Variants in OSCAR observed in about 807,000 individuals in gnomAD.
The protein encoded by OSCAR is osteoclast associated Ig-like receptor.
In OSCAR, 25 loss-of-function variants were observed where a neutral mutation model predicts 27.3. The observed-to-expected ratio is 0.92, with a 90% CI of 0.67 to 1.28. OSCAR has a LOEUF of 1.28. OSCAR is among the 50% of genes most tolerant of loss of function. The pLI is 0.00. For missense variants in OSCAR, 354 were observed against 355.1 expected, an observed-to-expected ratio of 1.00 and a Z score of 0.03; for synonymous variants, 158 against 165.7, an observed-to-expected ratio of 0.95 and a Z score of 0.36.
intron 2 of OSCAR, 44 bp downstream of exon 2, chr19:54,099,704 G>A: frequency 1.2e-6 from 2 of 1,613,832 alleles, no homozygotes; most frequent in Non-Finnish European, 8.5e-7. Flanking sequence ...AATTGGAAAA[G>A]GGGTGTCAGC....
chr19:54,100,758 A>G lies in OSCAR; in HGVS notation c.35T>C (p.Leu12Pro), dbSNP rs1404240050. The G allele has an allele frequency of 1.3e-6, 2 of 1,552,110 alleles. No homozygotes were observed. The highest frequency in any genetic ancestry group is 1.4e-5 in the African/African-American group (1 of 73,184). ...GGGAGAAGAAAGGGGTGACTCACAG[A>G]GGGTCAGCAGCTGGAGGATCAGCAC... ...ALVLILQLLT[L>P]WPLCHTDITP... is the part of the protein sequence containing the mutation. Residue 12 changes from leucine (L) to proline (P), a missense_variant and splice_region_variant, in exon 1 of 5, where the codon CTC becomes CCC. Physicochemically the swap from Leu to Pro is moderately conservative, Grantham distance 98. Transcript: ENST00000358375.
In OSCAR at chr19:54,099,526, G is replaced by C. The variant is rs587742080; in HGVS notation, c.70+222C>G. ...CATATGGTCACATATAAATGAATAC[G>C]ATGGTGAAACTGAGGTCCTAGCTTA... On this transcript the variant is annotated intron_variant, in intron 2 of 4. Coordinates refer to ENST00000358375, the MANE Select transcript of OSCAR (RefSeq NM_133169.6). 2.8e-6 allele frequency: 4 copies of C among 1,406,704 alleles called. No individual in the cohort carries two copies. In the African/African-American group the frequency reaches 4.3e-5, roughly 15 times the overall value. The allele number at this position is 1,406,704 out of a possible 1,614,324, so 87.1% of individuals were successfully genotyped here.
chr19:54,099,751 A>G lies in OSCAR; in HGVS notation c.67T>C (p.Ser23Pro), dbSNP rs757711750. 5 of 1,613,752 alleles carry G rather than the reference A, an allele frequency of 3.1e-6. No individual in the cohort carries two copies. Among genetic ancestry groups the G allele is most frequent in the South Asian group, 1.1e-5 (1 of 91,070 alleles). Reference protein sequence around the residue: ...WPLCHTDITPSVPPASYHPKP... With the variant: ...WPLCHTDITPPVPPASYHPKP... ...AGTGGATGGGGTGGCTACTCACCAGACGGAGTGATGTCTGTGTGACACAGA... is the reference window on the plus strand; with the variant it reads ...AGTGGATGGGGTGGCTACTCACCAGGCGGAGTGATGTCTGTGTGACACAGA... The change falls in exon 2 of 5, where the codon TCT becomes CCT. Residue 23 changes from serine (S) to proline (P), a missense_variant. Transcript: ENST00000358375.
At chr19:54,097,415 G>A (rs1218557858) in intron 2 of OSCAR, among the ~76,000 whole-genome samples, 1 of 151,846 alleles carries the variant, frequency 6.6e-6, no homozygotes, top group Non-Finnish European at 1.5e-5. Context: ...AAAAGGTCAG[G>A]TCCCAGAACT....
At chr19:54,095,602 G>T (rs143751107) in intron 4 of OSCAR, 5 of 1,130,750 alleles carry the variant, frequency 4.4e-6, no homozygotes, top group Non-Finnish European at 6.1e-6. Flanking sequence ...GGGGCTGGGG[G>T]CCTGGAGTCC....
Position 54,096,879 on chromosome 19 carries a change from AG to A in OSCAR, c.355del (p.Leu119TrpfsTer5). 2 of 1,613,592 alleles carry A rather than the reference AG, an allele frequency of 1.2e-6. No homozygotes were observed. The highest frequency in any genetic ancestry group is 1.7e-6 in the Non-Finnish European group (2 of 1,179,748). The stretch of plus-strand genomic sequence containing the variant: ...GACCTCACCTGTCACCAGCAGCTCC[AG>A]GACATCGCTGGGCTGGGACCAGACA... ...PGVWSQPSDVLELLVTEELPR... is the reference protein window; with the variant it reads ...PGVWSQPSDVXELLVTEELPR... On this transcript the variant is annotated frameshift_variant, in exon 3 of 5. Transcript: ENST00000358375. LOFTEE classifies it high-confidence loss of function.
At chr19:54,100,096 A>G (rs1273776623) in intron 1 of OSCAR, among the ~76,000 whole-genome samples, 2 of 152,190 alleles carry the variant, frequency 1.3e-5, no homozygotes, top group Non-Finnish European at 2.9e-5. Context: ...CGGCTCCCAC[A>G]GGCATGAGCC....
At position 54,096,966 on chromosome 19, in the gene OSCAR, ACCT is replaced by A. The variant is rs761319154; in HGVS notation, c.266_268del (p.Glu89del). The A allele has an allele frequency of 6.2e-7, 1 of 1,614,086 alleles. No homozygotes were observed. The highest frequency in any genetic ancestry group is 1.7e-5 in the Admixed American group (1 of 60,000). ...GTAACTTCCCCCTTGGGCTGGAGTC[ACCT>A]CCTCCAGAAAGAATTCTGCCAGCTC... is the stretch of plus-strand genomic sequence containing the variant. On this transcript the variant is annotated inframe_deletion, in exon 3 of 5. Coordinates refer to ENST00000358375, the MANE Select transcript of OSCAR (RefSeq NM_133169.6).
At chr19:54,099,667 G>C in intron 2 of OSCAR, 81 bp downstream of exon 2, 1 of 1,613,774 alleles carries the variant, frequency 6.2e-7, no homozygotes, top group Non-Finnish European at 8.5e-7. Flanking sequence ...TCTGGGATGG[G>C]ATTGGGCACC....
In OSCAR at chr19:54,096,304, G is replaced by A. The variant is rs181537123; in HGVS notation, c.374-151C>T. On this transcript the variant is annotated intron_variant, in intron 3 of 4. Coordinates refer to ENST00000358375, the MANE Select transcript of OSCAR (RefSeq NM_133169.6). ...TCTCTGCCTGTCTCTCTCTCTGTCTGCCTCTCTCTCTGCCTCCCTCTCTCT... is the reference window on the plus strand; with the variant it reads ...TCTCTGCCTGTCTCTCTCTCTGTCTACCTCTCTCTCTGCCTCCCTCTCTCT... 282 of 725,976 alleles carry A rather than the reference G, an allele frequency of 3.9e-4. 3 individuals carry two copies. The East Asian group carries it at 8.9e-3, about 23-fold the overall frequency. The allele number at this position is 725,976 out of a possible 1,614,324, so 45.0% of individuals were successfully genotyped here. A position where few individuals can be genotyped will look rare whatever the true frequency, so the allele number is the denominator to read the frequency against.
At chr19:54,095,736 A>C in intron 4 of OSCAR, 136 bp downstream of exon 4, 1 of 1,367,388 alleles carries the variant, frequency 7.3e-7, no homozygotes, top group South Asian at 1.4e-5. Context: ...GGTCTGAGGG[A>C]GGAGGGGCTG....
Position 54,094,997 on chromosome 19 carries a change from T to C in OSCAR, c.*224A>G. On this transcript the variant is annotated 3_prime_UTR_variant, in exon 5 of 5. Transcript: ENST00000358375. ...GCAGTGCTGGGATTCGAACCCTCTG[T>C]CTTCTGGCTTGGAAGTCTTAACCAC... 1 of 629,168 alleles carries C rather than the reference T, an allele frequency of 1.6e-6. No individual in the cohort carries two copies. The highest frequency in any genetic ancestry group is 3.3e-5 in the East Asian group (1 of 30,294). The allele number at this position is 629,168 out of a possible 1,614,324, so 39.0% of individuals were successfully genotyped here. A position where few individuals can be genotyped will look rare whatever the true frequency, so the allele number is the denominator to read the frequency against.
Position 54,095,921 on chromosome 19 carries a change from C to T in OSCAR, c.606G>A (p.Ala202=). The change falls in exon 4 of 5, where the codon GCG becomes GCA. Residue 202 remains alanine (A), a synonymous_variant. Transcript: ENST00000358375. ...CGCTGCGCTGCGACAGCACGTAGGG[C>T]GCGGAGGGCGTGTGATAGTAGCAGC... ...TYSCYYHTPS[A]PYVLSQRSEV... is the part of the protein sequence containing the mutation. The T allele has an allele frequency of 1.3e-6, 2 of 1,580,658 alleles. No homozygotes were observed. The highest frequency in any genetic ancestry group is 1.2e-5 in the South Asian group (1 of 86,464).
chr19:54,095,985 T>C lies in OSCAR; in HGVS notation c.542A>G (p.Asp181Gly). ...GGCGCGGGCGCCCAGCAGCGTGAAG[T>C]CGGCCCAGGGCTGCGCGGAGTGGCG... ...QYRHSAQPWA[D>G]FTLLGARAPG... The change falls in exon 4 of 5, where the codon GAC (aspartate) becomes GGC (glycine). Residue 181 changes from aspartate (D) to glycine (G), a missense_variant. Transcript: ENST00000358375. 3 of 1,589,418 alleles carry C rather than the reference T, an allele frequency of 1.9e-6. No homozygotes were observed. The highest frequency in any genetic ancestry group is 2.6e-6 in the Non-Finnish European group (3 of 1,169,204).
intron 1 of OSCAR, among the ~76,000 whole-genome samples, chr19:54,100,264 T>C (rs1225561057): frequency 6.6e-6 from 1 of 152,168 alleles, no homozygotes; most frequent in Admixed American, 6.5e-5. Flanking sequence ...TGGACATCCA[T>C]TGCCCACCTA....
In OSCAR at chr19:54,096,045, A is replaced by C. The variant is rs1201965688; in HGVS notation, c.482T>G (p.Leu161Arg). Reference sequence around the variant, plus strand: ...CGGGGCCGCCACGCCCTCGCGGTACAGCACGAAGCTCATGTTCCGCAGGCG... The same window carrying C: ...CGGGGCCGCCACGCCCTCGCGGTACCGCACGAAGCTCATGTTCCGCAGGCG... The part of the protein sequence containing the change: ...AGRLRNMSFV[L>R]YREGVAAPLQ... The change falls in exon 4 of 5, where the codon CTG becomes CGG. Residue 161 changes from leucine (L) to arginine (R), a missense_variant. Coordinates refer to ENST00000358375, the MANE Select transcript of OSCAR (RefSeq NM_133169.6). The C allele has an allele frequency of 1.3e-6, 2 of 1,556,780 alleles. No individual in the cohort carries two copies. Among genetic ancestry groups the C allele is most frequent in the Admixed American group, 1.9e-5 (1 of 52,444 alleles).
chr19:54,099,725 G>A, intron 2 of OSCAR, 23 bp downstream of exon 2: 1 of 1,613,916 alleles, frequency 6.2e-7, no homozygotes. Context: ...AACAAAAGGA[G>A]AGTGGATGGG....
At chr19:54,098,196 T>C (rs2072851945) in intron 2 of OSCAR, among the ~76,000 whole-genome samples, 1 of 152,172 alleles carries the variant, frequency 6.6e-6, no homozygotes, top group Non-Finnish European at 1.5e-5. Context: ...AAGTTGTGTA[T>C]GCTAAAAGAC....
intron 1 of OSCAR, among the ~76,000 whole-genome samples, chr19:54,100,276 C>G (rs762543040): frequency 6.6e-6 from 1 of 152,156 alleles, no homozygotes; most frequent in African/African-American, 2.4e-5. Flanking sequence ...GCCCACCTAC[C>G]GAAGAAGTCT....
Sources: gnomAD v4.1 joint callset for allele counts (sites outside exome capture counted in the v4.1 genomes callset) on GRCh38, gnomAD v4.1.1 for gene constraint, MANE v1.5 for transcripts, NCBI Gene and HGNC (gene_info 2026-07-23, HGNC 2026-07-21) for gene names.